Variants in SLC2A12 observed in about 807,000 individuals in gnomAD.
SLC2A12 encodes the protein solute carrier family 2 member 12.
In SLC2A12, 23 loss-of-function variants were observed where a neutral mutation model predicts 41.8. That is an observed-to-expected ratio of 0.55 (90% CI 0.40 to 0.78). SLC2A12 has a LOEUF of 0.78. SLC2A12 is among the 30% of genes least tolerant of loss of function. SLC2A12 has a pLI of 0.00. For missense variants in SLC2A12, 654 were observed against 745.6 expected (o/e 0.88, Z 1.43); for synonymous variants, 295 against 285.9 (o/e 1.03, Z -0.32).
At chr6:134,047,370 C>A (rs777613156) in intron 1 of SLC2A12, among the ~76,000 whole-genome samples, 9 of 152,144 alleles carry the variant, frequency 5.9e-5, no homozygotes, top group Non-Finnish European at 8.8e-5. Flanking sequence ...AACCCAAAGG[C>A]TAGATAGTAC....
At chr6:133,994,571 C>A (rs1248354038) in intron 4 of SLC2A12, among the ~76,000 whole-genome samples, 1 of 151,874 alleles carries the variant, frequency 6.6e-6, no homozygotes, top group Non-Finnish European at 1.5e-5. Flanking sequence ...ACTAAAAATA[C>A]AAAAAAATTA....
chr6:134,032,468 T>TTATA (rs1195287632), intron 1 of SLC2A12, among the ~76,000 whole-genome samples: 7 of 34,302 alleles, frequency 2.0e-4, no homozygotes, highest in East Asian at 5.1e-4. Context: ...ATATATATTT[T>TTATA]TATATATATA....
chr6:133,996,602 C>T (rs147927352), intron 4 of SLC2A12, among the ~76,000 whole-genome samples: 1 of 152,140 alleles, frequency 6.6e-6, no homozygotes, highest in African/African-American at 2.4e-5. Context: ...CTGTAGTTTC[C>T]TTTCTTAGAA....
At chr6:134,005,659 T>TAAAAAAAAAAAA (rs56710009) in intron 3 of SLC2A12, among the ~76,000 whole-genome samples, 10 of 64,958 alleles carry the variant, frequency 1.5e-4, no homozygotes, top group African/African-American at 5.4e-4. Flanking sequence ...GACTCTGTCT[T>TAAAAAAAAAAAA]AAAAAAAAAA....
intron 1 of SLC2A12, among the ~76,000 whole-genome samples, chr6:134,048,275 T>C (rs1773606355): frequency 6.6e-6 from 1 of 152,136 alleles, no homozygotes; most frequent in South Asian, 2.1e-4. Flanking sequence ...GAGCAAGTGG[T>C]CCTCCATAAA....
chr6:133,999,684 G>A (rs1415461325), intron 4 of SLC2A12, among the ~76,000 whole-genome samples: 1 of 152,206 alleles, frequency 6.6e-6, no homozygotes, highest in Non-Finnish European at 1.5e-5. Flanking sequence ...AGTCCCATGT[G>A]ATTGTGGGCC....
intron 1 of SLC2A12, among the ~76,000 whole-genome samples, chr6:134,048,336 C>T (rs751635441): frequency 2.6e-5 from 4 of 152,208 alleles, no homozygotes; most frequent in Non-Finnish European, 5.9e-5. Context: ...GTGGATCACA[C>T]CCGTAATCCC....
At chr6:134,047,973 T>A (rs1258436992) in intron 1 of SLC2A12, among the ~76,000 whole-genome samples, 1 of 152,138 alleles carries the variant, frequency 6.6e-6, no homozygotes, top group Non-Finnish European at 1.5e-5. Context: ...TGTGGCAACC[T>A]CTCTGCTCTC....
rs1773608644 is a variant in SLC2A12, at chr6:134,048,355, G to A, written c.103+4023C>T. ...ATCACACCCGTAATCCCAGCAGTTTGGGAGGCCAAGGTAGGCGGATCACCT... is the reference window on the plus strand; with the variant it reads ...ATCACACCCGTAATCCCAGCAGTTTAGGAGGCCAAGGTAGGCGGATCACCT... On this transcript the variant is annotated intron_variant, in intron 1 of 4. Transcript: ENST00000275230. 1.3e-5 allele frequency among the ~76,000 whole-genome samples: 2 copies of A among 152,194 alleles called. 1 individual carries two copies. The highest frequency in any genetic ancestry group is 4.1e-4 in the South Asian group (2 of 4,834).
intron 1 of SLC2A12, among the ~76,000 whole-genome samples, chr6:134,047,322 A>G (rs570846332): frequency 1.3e-5 from 2 of 152,188 alleles, no homozygotes; most frequent in Admixed American, 6.5e-5. Context: ...ACTGTTGCAT[A>G]GTAATGGAGG....
At chr6:133,995,389 A>AG (rs1272747626) in intron 4 of SLC2A12, among the ~76,000 whole-genome samples, 4 of 152,018 alleles carry the variant, frequency 2.6e-5, no homozygotes, top group Non-Finnish European at 5.9e-5. Flanking sequence ...ATTCCTACAT[A>AG]GGCCCTGGAG....
chr6:133,993,847 T>C (rs962355184), intron 4 of SLC2A12, among the ~76,000 whole-genome samples: 4 of 152,196 alleles, frequency 2.6e-5, no homozygotes, highest in African/African-American at 9.6e-5. Flanking sequence ...GGATGCAGCC[T>C]CTGGCCTGTG....
chr6:134,020,778 A>G (rs1777029969), intron 2 of SLC2A12, among the ~76,000 whole-genome samples: 2 of 152,190 alleles, frequency 1.3e-5, no homozygotes, highest in African/African-American at 4.8e-5. Flanking sequence ...TTGCACCTGC[A>G]GTTGTAAATT....
intron 1 of SLC2A12, among the ~76,000 whole-genome samples, chr6:134,051,904 T>A (rs1270796044): frequency 6.6e-6 from 1 of 152,222 alleles, no homozygotes; most frequent in Admixed American, 6.5e-5. Context: ...TTTAAAATAC[T>A]GATTTTTAAA....
At chr6:134,021,821 G>A (rs1207309007) in intron 2 of SLC2A12, among the ~76,000 whole-genome samples, 1 of 152,210 alleles carries the variant, frequency 6.6e-6, no homozygotes, top group African/African-American at 2.4e-5. Flanking sequence ...TGGATTCAAA[G>A]AGGAGATAAA....
In SLC2A12 at chr6:134,029,687, AG is replaced by A; in HGVS notation, c.137del (p.Thr46MetfsTer27). 1 of 1,607,524 alleles carries A rather than the reference AG, an allele frequency of 6.2e-7. No homozygotes were observed. Among genetic ancestry groups the A allele is most frequent in the Non-Finnish European group, 8.5e-7 (1 of 1,178,544 alleles). Reference protein sequence around the residue: ...CGMFTFLSSVTAAVSGLLVGY... With the variant: ...CGMFTFLSSVXAAVSGLLVGY... ...CCACCAGGAGGCCACTGACAGCAGCAGTGACAGATGACAGGAAGGTAAACAT... is the reference window on the plus strand; with the variant it reads ...CCACCAGGAGGCCACTGACAGCAGCATGACAGATGACAGGAAGGTAAACAT... On this transcript the variant is annotated frameshift_variant, in exon 2 of 5. Coordinates refer to ENST00000275230, the MANE Select transcript of SLC2A12 (RefSeq NM_145176.3). LOFTEE classifies it high-confidence loss of function.
intron 4 of SLC2A12, among the ~76,000 whole-genome samples, chr6:133,996,168 A>T (rs1312941145): frequency 6.6e-6 from 1 of 152,242 alleles, no homozygotes; most frequent in South Asian, 2.1e-4. Context: ...GAATAAATGA[A>T]TTGGATGGAT....
At chr6:134,051,920 G>A (rs1773689243) in intron 1 of SLC2A12, among the ~76,000 whole-genome samples, 1 of 152,100 alleles carries the variant, frequency 6.6e-6, no homozygotes, top group Non-Finnish European at 1.5e-5. Flanking sequence ...TTAAAACAGT[G>A]GTTATAATGT....
chr6:134,030,195 C>T lies in SLC2A12; in HGVS notation c.104-474G>A, dbSNP rs563226610. On this transcript the variant is annotated intron_variant, in intron 1 of 4. Coordinates refer to ENST00000275230, the MANE Select transcript of SLC2A12 (RefSeq NM_145176.3). ...GTGCTACAGCCTCCTTGCTGGATAG[C>T]CTGGGTCAAAATGAAACACAGCCTC... is the stretch of plus-strand genomic sequence containing the variant. Among the ~76,000 whole-genome samples, 100 of 152,232 alleles carry T rather than the reference C, an allele frequency of 6.6e-4. 1 individual carries two copies. In the Middle Eastern group the frequency reaches 0.01, roughly 16 times the overall value.
Sources: gnomAD v4.1 joint callset for allele counts (sites outside exome capture counted in the v4.1 genomes callset) on GRCh38, gnomAD v4.1.1 for gene constraint, MANE v1.5 for transcripts, NCBI Gene and HGNC (gene_info 2026-07-23, HGNC 2026-07-21) for gene names.